The following RSU1 variants were observed in gnomAD, a reference collection of about 807,000 sequenced individuals.
RSU1 encodes the protein Ras suppressor protein 1, also known as rsu-1.
In RSU1, 26 loss-of-function variants were observed where a neutral mutation model predicts 31.1. That is an observed-to-expected ratio of 0.84 (90% CI 0.61 to 1.16). The LOEUF is 1.16. RSU1 is among the 50% of genes most tolerant of loss of function. The pLI is 0.00. For missense variants in RSU1, 320 were observed against 339.1 expected (o/e 0.94, Z 0.44); for synonymous variants, 164 against 136.3 (o/e 1.20, Z -1.41).
At chr10:16,793,356 T>C (rs997670815) in intron 2 of RSU1, among the ~76,000 whole-genome samples, 12 of 151,882 alleles carry the variant, frequency 7.9e-5, no homozygotes, top group African/African-American at 2.9e-4. Flanking sequence ...TGAACATAAA[T>C]GACAACTGAA....
chr10:16,703,761 A>G (rs1835841164), intron 7 of RSU1, among the ~76,000 whole-genome samples: 1 of 152,258 alleles, frequency 6.6e-6, no homozygotes, highest in Non-Finnish European at 1.5e-5. Flanking sequence ...TAGGAAAAAG[A>G]CTAGAAGAAA....
rs1197556370 is a variant in RSU1 at position 16,640,411 on chromosome 10, C to T, written c.732-46915G>A. ...CTGGCTCCTGAAATAGCCTAGCAAC[C>T]GGCCTCTCCACCTCATTCTATGCAC... On this transcript the variant is annotated intron_variant, in intron 8 of 8. Transcript: ENST00000345264. 3.3e-5 allele frequency among the ~76,000 whole-genome samples: 5 copies of T among 152,266 alleles called. No individual in the cohort carries two copies. The East Asian group carries it at 5.8e-4, about 18-fold the overall frequency.
chr10:16,699,335 C>T (rs1184487802), intron 7 of RSU1, among the ~76,000 whole-genome samples: 1 of 152,154 alleles, frequency 6.6e-6, no homozygotes, highest in Non-Finnish European at 1.5e-5. Context: ...CACTCTGCAC[C>T]AGTTGGGGAT....
At chr10:16,784,087 ATTTTT>A (rs60014651) in intron 2 of RSU1, among the ~76,000 whole-genome samples, 3 of 146,500 alleles carry the variant, frequency 2.0e-5, no homozygotes, top group Admixed American at 1.4e-4. Context: ...TCTATGTACA[ATTTTT>A]TTTTTTTTTA....
intron 8 of RSU1, among the ~76,000 whole-genome samples, chr10:16,645,929 C>CATATATGTGTATATATATGTGTATAT (rs1834544482): frequency 1.1e-4 from 1 of 8,886 alleles, no homozygotes; most frequent in Non-Finnish European, 2.3e-4. Context: ...TGTGTATATA[C>CATATATGTGTATATATATGTGTATAT]ACATATGTGT....
chr10:16,715,217 C>T (rs1356973316), intron 7 of RSU1, among the ~76,000 whole-genome samples: 2 of 152,216 alleles, frequency 1.3e-5, no homozygotes, highest in African/African-American at 2.4e-5. Flanking sequence ...GAGGGATGAG[C>T]ACTAGGCAAC....
chr10:16,783,658 GTT>G (rs57576455), intron 2 of RSU1, among the ~76,000 whole-genome samples: 28 of 148,398 alleles, frequency 1.9e-4, no homozygotes, highest in African/African-American at 5.9e-4. Context: ...CCGGCCGCAT[GTT>G]TTTTTTTTTG....
intron 2 of RSU1, among the ~76,000 whole-genome samples, chr10:16,801,254 C>A (rs1377042892): frequency 2.0e-5 from 3 of 151,880 alleles, no homozygotes; most frequent in Non-Finnish European, 4.4e-5. Context: ...TAATTTCAGA[C>A]AAAGCTGACT....
At chr10:16,706,092 G>A (rs764194826) in intron 7 of RSU1, among the ~76,000 whole-genome samples, 11 of 152,302 alleles carry the variant, frequency 7.2e-5, no homozygotes, top group East Asian at 5.8e-4. Flanking sequence ...GAACAATGCT[G>A]CTATAAATAT....
chr10:16,767,403 A>G (rs1252390484), intron 3 of RSU1: 1 of 152,232 alleles, frequency 6.6e-6, no homozygotes, highest in Non-Finnish European at 1.5e-5. Flanking sequence ...TTGCTAAATC[A>G]GTCCAATTTA....
intron 8 of RSU1, among the ~76,000 whole-genome samples, chr10:16,611,017 G>A (rs1379669315): frequency 6.6e-6 from 1 of 152,192 alleles, no homozygotes; most frequent in African/African-American, 2.4e-5. Flanking sequence ...GAGAAAATAT[G>A]TTCAGTCCTT....
At chr10:16,653,067 T>C (rs761012029) in intron 8 of RSU1, among the ~76,000 whole-genome samples, 33 of 151,982 alleles carry the variant, frequency 2.2e-4, no homozygotes, top group Non-Finnish European at 4.6e-4. Flanking sequence ...AAAATACAAG[T>C]AAAGCCAAGA....
At chr10:16,637,212 T>TA (rs1381288898) in intron 8 of RSU1, among the ~76,000 whole-genome samples, 4 of 152,154 alleles carry the variant, frequency 2.6e-5, no homozygotes, top group Non-Finnish European at 4.4e-5. Flanking sequence ...CCACATGAAA[T>TA]AAAAAGAGCA....
intron 7 of RSU1, chr10:16,722,965 C>T (rs1488626615): frequency 1.3e-5 from 2 of 148,958 alleles, no homozygotes; most frequent in African/African-American, 4.9e-5. Context: ...CACACATATA[C>T]ATATATGTAT....
In RSU1 at chr10:16,817,211, A is replaced by C. The variant is rs1018612928; in HGVS notation, c.-4+104T>G. 1.7e-5 allele frequency: 10 copies of C among 582,000 alleles called. No individual in the cohort carries two copies. The East Asian group carries it at 2.2e-4, about 13-fold the overall frequency. The allele number at this position is 582,000 out of a possible 1,614,324, so 36.1% of individuals were successfully genotyped here. A position where few individuals can be genotyped will look rare whatever the true frequency, so the allele number is the denominator to read the frequency against. ...GCGGGTGGGCGTCCGAGGGCGTCCC[A>C]GGGGCTGGTCCGGGTGCGGGGAGGG... On this transcript the variant is annotated intron_variant, in intron 1 of 8. Transcript: ENST00000345264.
At position 16,603,483 on chromosome 10, in the gene RSU1, T is replaced by A. The variant is rs114629841; in HGVS notation, c.732-9987A>T. ...ATATTAGGTAAGGTCTTTGGTTATG[T>A]ATCAGAGGTCCAAGCTGTCACCAGC... On this transcript the variant is annotated intron_variant, in intron 8 of 8. Transcript: ENST00000345264. Among the ~76,000 whole-genome samples the A allele has an allele frequency of 3.5e-3, 534 of 152,366 alleles. 2 individuals carry two copies. Among genetic ancestry groups the A allele is most frequent in the African/African-American group, 0.012 (504 of 41,588 alleles).
intron 8 of RSU1, among the ~76,000 whole-genome samples, chr10:16,620,621 G>A (rs572970176): frequency 4.6e-5 from 7 of 151,890 alleles, no homozygotes; most frequent in African/African-American, 9.7e-5. Flanking sequence ...CGAGGCGGGC[G>A]GATCATGAAG....
At chr10:16,593,520 T>C (rs1833550690) in intron 8 of RSU1, 24 bp from the exon 9 acceptor site, 1 of 1,569,542 alleles carries the variant, frequency 6.4e-7, no homozygotes, top group African/African-American at 1.3e-5. Context: ...GAAAGGACAC[T>C]ATCAGATCTA....
At chr10:16,601,766 G>A (rs1003212822) in intron 8 of RSU1, among the ~76,000 whole-genome samples, 3 of 152,232 alleles carry the variant, frequency 2.0e-5, no homozygotes, top group Admixed American at 1.3e-4. Flanking sequence ...TAACAGGCGT[G>A]TGCAAGGTAA....
Sources: gnomAD v4.1 joint callset for allele counts (sites outside exome capture counted in the v4.1 genomes callset) on GRCh38, gnomAD v4.1.1 for gene constraint, MANE v1.5 for transcripts, NCBI Gene and HGNC (gene_info 2026-07-23, HGNC 2026-07-21) for gene names.